Variants in SH3KBP1 observed in about 807,000 individuals in gnomAD.
The protein encoded by SH3KBP1 is SH3 domain-containing kinase-binding protein 1.
In SH3KBP1, 8 loss-of-function variants were observed where a neutral mutation model predicts 50.1. The observed-to-expected ratio is 0.16, with a 90% CI of 0.09 to 0.29. The LOEUF (loss-of-function observed/expected upper bound fraction) is 0.29, where lower values mean the gene tolerates loss of function less well. SH3KBP1 is among the 10% of genes least tolerant of loss of function. SH3KBP1 has a pLI of 1.00. For synonymous variants in SH3KBP1, 227 were observed against 218.6 expected (o/e 1.04, Z -0.34); for missense variants, 377 against 535.2 (o/e 0.70, Z 2.92).
chrX:19,838,886 C>CAAAAAAAAAAA (rs1187740894), intron 1 of SH3KBP1, among the ~76,000 whole-genome samples: 1 of 30,054 alleles, frequency 3.3e-5, no homozygotes, highest in African/African-American at 9.9e-5. Context: ...AACTTTGTCT[C>CAAAAAAAAAAA]AAAAAAAAAA....
intron 2 of SH3KBP1, among the ~76,000 whole-genome samples, chrX:19,789,782 C>T (rs937103045): frequency 5.4e-5 from 6 of 110,518 alleles, no homozygotes; most frequent in African/African-American, 2.0e-4. Flanking sequence ...ACAGAGCCCA[C>T]ATTCCAACCC....
At chrX:19,862,325 T>C (rs1396152186) in intron 1 of SH3KBP1, among the ~76,000 whole-genome samples, 2 of 112,396 alleles carry the variant, frequency 1.8e-5, no homozygotes, top group Admixed American at 9.4e-5. Context: ...ATAAACAAGA[T>C]AAATTTTTTC....
chrX:19,875,540 A>G (rs968060683), intron 1 of SH3KBP1, among the ~76,000 whole-genome samples: 7 of 112,304 alleles, frequency 6.2e-5, no homozygotes. Context: ...GCAGCCCCGT[A>G]GCACCCACTC....
At chrX:19,597,958 C>G (rs2066957463) in intron 9 of SH3KBP1, among the ~76,000 whole-genome samples, 1 of 112,896 alleles carries the variant, frequency 8.9e-6, no homozygotes, top group African/African-American at 3.2e-5. Context: ...GCTAGATCTT[C>G]TGGATAACTT....
chrX:19,605,855 G>C (rs1190331617), intron 9 of SH3KBP1, among the ~76,000 whole-genome samples: 1 of 112,157 alleles, frequency 8.9e-6, no homozygotes, highest in Non-Finnish European at 1.9e-5. Context: ...TAAAGATTAT[G>C]CCATTCTGTG....
intron 3 of SH3KBP1, among the ~76,000 whole-genome samples, chrX:19,725,070 T>C (rs1388214334): frequency 9.1e-6 from 1 of 110,211 alleles, no homozygotes; most frequent in Admixed American, 9.6e-5. Flanking sequence ...AACATGTAAG[T>C]AAATAAGGGG....
chrX:19,771,182 A>G (rs949451415), intron 2 of SH3KBP1, among the ~76,000 whole-genome samples: 36 of 112,619 alleles, frequency 3.2e-4, no homozygotes, highest in African/African-American at 1.1e-3. Context: ...TTCTAAACCC[A>G]GTAACTCTAC....
intron 8 of SH3KBP1, among the ~76,000 whole-genome samples, chrX:19,613,965 G>A (rs184787321): frequency 8.1e-4 from 91 of 112,831 alleles, no homozygotes; most frequent in African/African-American, 2.7e-3. Flanking sequence ...TGTCATCATC[G>A]TGATTATATG....
At chrX:19,724,039 T>C (rs921304034) in intron 3 of SH3KBP1, among the ~76,000 whole-genome samples, 6 of 111,949 alleles carry the variant, frequency 5.4e-5, no homozygotes, top group African/African-American at 6.5e-5. Flanking sequence ...TCCTTGTAAA[T>C]ACAGGAAAGG....
chrX:19,806,980 AATAG>A (rs1335973730), intron 2 of SH3KBP1, among the ~76,000 whole-genome samples: 2 of 112,011 alleles, frequency 1.8e-5, no homozygotes, highest in Non-Finnish European at 3.8e-5. Flanking sequence ...GTTGACCCTT[AATAG>A]ATCTGCAATC....
At chrX:19,689,713 C>T (rs764338665) in intron 5 of SH3KBP1, among the ~76,000 whole-genome samples, 116 of 112,172 alleles carry the variant, frequency 1.0e-3, no homozygotes, top group Non-Finnish European at 1.7e-3. Context: ...AATATTAGTA[C>T]TTGAAGGCAG....
chrX:19,644,334 T>C (rs1049077617), intron 7 of SH3KBP1, among the ~76,000 whole-genome samples: 1 of 111,670 alleles, frequency 9.0e-6, no homozygotes, highest in South Asian at 3.7e-4. Flanking sequence ...AATAACTTAA[T>C]TGTACATTTT....
At chrX:19,546,157 G>T in intron 14 of SH3KBP1, 107 bp from the exon 15 acceptor site, 2 of 923,666 alleles carry the variant, frequency 2.2e-6, no homozygotes, top group Admixed American at 2.6e-5. Flanking sequence ...CTGCTATTTT[G>T]TCTTCTCACG....
At chrX:19,842,294 G>A (rs1438285512) in intron 1 of SH3KBP1, among the ~76,000 whole-genome samples, 8 of 112,398 alleles carry the variant, frequency 7.1e-5, no homozygotes, top group East Asian at 2.8e-4. Flanking sequence ...TTGGGAGGCC[G>A]AGGCGGGCAG....
intron 1 of SH3KBP1, among the ~76,000 whole-genome samples, chrX:19,884,030 G>A (rs1364091440): frequency 3.6e-5 from 4 of 111,750 alleles, no homozygotes; most frequent in African/African-American, 6.5e-5. Flanking sequence ...CACGGTGCTC[G>A]TTTTCAGTCT....
intron 6 of SH3KBP1, among the ~76,000 whole-genome samples, chrX:19,661,429 ATG>A (rs1490865983): frequency 6.3e-5 from 7 of 111,386 alleles, no homozygotes; most frequent in Non-Finnish European, 1.1e-4. Context: ...GGAAAAAATT[ATG>A]TGTGTGGTAT....
intron 3 of SH3KBP1, among the ~76,000 whole-genome samples, chrX:19,721,608 T>A (rs750621097): frequency 1.1e-3 from 122 of 111,685 alleles, no homozygotes; most frequent in Non-Finnish European, 1.9e-3. Context: ...TTTACCAACA[T>A]TATTCTGAAA....
chrX:19,603,129 C>T (rs1169797873), intron 9 of SH3KBP1, among the ~76,000 whole-genome samples: 1 of 112,367 alleles, frequency 8.9e-6, no homozygotes, highest in African/African-American at 3.2e-5. Flanking sequence ...TGGTGCAGTG[C>T]TCTTAGAAGT....
Position 19,631,861 on chromosome X carries a change from T to C in SH3KBP1, c.897+3A>G. 1 of 1,159,957 alleles carries C rather than the reference T, an allele frequency of 8.6e-7. No homozygotes were observed. Among genetic ancestry groups the C allele is most frequent in the South Asian group, 1.9e-5 (1 of 53,954 alleles). On this transcript the variant is annotated splice_donor_region_variant and intron_variant, in intron 8 of 17. Transcript: ENST00000397821. ...TAGAAGGTAGGAGACAACCTTTGTTTACCTTATTGATGAGAGTGACTATAT... is the reference window on the plus strand; with the variant it reads ...TAGAAGGTAGGAGACAACCTTTGTTCACCTTATTGATGAGAGTGACTATAT...
Sources: gnomAD v4.1 joint callset for allele counts (sites outside exome capture counted in the v4.1 genomes callset) on GRCh38, gnomAD v4.1.1 for gene constraint, MANE v1.5 for transcripts, NCBI Gene and HGNC (gene_info 2026-07-23, HGNC 2026-07-21) for gene names.